DLEC1: variants seen among roughly 807,000 people sequenced by gnomAD.
DLEC1 encodes DLEC1 cilia and flagella associated protein.
A neutral mutation model predicts 198.1 loss-of-function variants in DLEC1; 146 were observed. That is an observed-to-expected ratio of 0.74 (90% CI 0.64 to 0.85). The LOEUF (loss-of-function observed/expected upper bound fraction) is 0.85, where lower values mean the gene tolerates loss of function less well. Among genes scored for constraint, DLEC1 ranks in the 40% least tolerant of loss-of-function variants. The pLI, the probability that DLEC1 is intolerant of heterozygous loss-of-function variation, is 0.00. For missense variants in DLEC1, 2,233 were observed against 2,220.0 expected (o/e 1.01, Z -0.12); for synonymous variants, 897 against 866.8 (o/e 1.03, Z -0.61).
At chr3:38,084,715 C>T (rs73825489) in intron 7 of DLEC1, among the ~76,000 whole-genome samples, 10,496 of 151,652 alleles carry the variant, frequency 0.069, 481 homozygotes, top group Middle Eastern at 0.12. Context: ...CCTGGACTCC[C>T]CCCATCAGCA....
At chr3:38,089,540 T>C (rs1698634133) in intron 10 of DLEC1, among the ~76,000 whole-genome samples, 1 of 152,196 alleles carries the variant, frequency 6.6e-6, no homozygotes, top group South Asian at 2.1e-4. Context: ...GTTCAGGGGC[T>C]TTGTCAGGCC....
chr3:38,121,550 T>A, intron 34 of DLEC1, 78 bp from the exon 35 acceptor site: 1 of 1,525,338 alleles, frequency 6.6e-7, no homozygotes, highest in Non-Finnish European at 8.8e-7. Context: ...GCACTTGGGG[T>A]CAGCAGGGTT....
intron 27 of DLEC1, among the ~76,000 whole-genome samples, chr3:38,115,611 G>T (rs1700113234): frequency 6.6e-6 from 1 of 152,138 alleles, no homozygotes. Context: ...CTGAAGAGGG[G>T]GCCCTGGCCA....
chr3:38,087,820 C>T (rs1698545019), intron 9 of DLEC1, among the ~76,000 whole-genome samples: 1 of 152,204 alleles, frequency 6.6e-6, no homozygotes, highest in South Asian at 2.1e-4. Context: ...GGCACTGGGG[C>T]TGCAGCTCTC....
At chr3:38,105,364 GC>G (rs1406433949) in intron 19 of DLEC1, among the ~76,000 whole-genome samples, 1 of 152,068 alleles carries the variant, frequency 6.6e-6, no homozygotes, top group Non-Finnish European at 1.5e-5. Context: ...TTAAAAATGG[GC>G]TGTTGAAGTC....
intron 2 of DLEC1, among the ~76,000 whole-genome samples, chr3:38,057,491 C>CAA (rs112173978): frequency 1.8e-4 from 25 of 139,282 alleles, no homozygotes; most frequent in Non-Finnish European, 2.2e-4. Context: ...GACTGTGTCT[C>CAA]AAAAAAAAAA....
At chr3:38,119,207 T>G (rs879789972) in intron 33 of DLEC1, among the ~76,000 whole-genome samples, 1 of 152,180 alleles carries the variant, frequency 6.6e-6, no homozygotes, top group Admixed American at 6.5e-5. Flanking sequence ...GCGCTAACAA[T>G]GCTCAGGCTT....
intron 21 of DLEC1, 46 bp from the exon 22 acceptor site, chr3:38,109,386 C>T: frequency 6.2e-7 from 1 of 1,610,108 alleles, no homozygotes; most frequent in Non-Finnish European, 8.5e-7. Context: ...GGCTCATCTT[C>T]AGAGGCCCCA....
At chr3:38,065,011 G>T (rs369101129) in intron 6 of DLEC1, among the ~76,000 whole-genome samples, 1 of 152,166 alleles carries the variant, frequency 6.6e-6, no homozygotes, top group South Asian at 2.1e-4. Context: ...AGGTTGTAGC[G>T]AGCCGAGATC....
chr3:38,094,846 T>C lies in DLEC1; in HGVS notation c.1920-33T>C, dbSNP rs745704489. 3.7e-6 allele frequency: 6 copies of C among 1,607,508 alleles called. No individual in the cohort carries two copies. The African/African-American group carries it at 6.7e-5, about 18-fold the overall frequency. On this transcript the variant is annotated intron_variant, in intron 12 of 36. Coordinates refer to ENST00000308059, the MANE Select transcript of DLEC1 (RefSeq NM_007335.4). ...TGGAGGGACCTGGTCCCAGCAGAAC[T>C]GGGACATGGCCTTGGATGCGTTGCC... is the stretch of plus-strand genomic sequence containing the variant.
At chr3:38,109,145 A>G (rs1372108286) in intron 21 of DLEC1, among the ~76,000 whole-genome samples, 1 of 152,200 alleles carries the variant, frequency 6.6e-6, no homozygotes, top group Non-Finnish European at 1.5e-5. Context: ...TAGCAGCTTC[A>G]TCAGAGGAAG....
chr3:38,117,205 T>C lies in DLEC1; in HGVS notation c.4306-3T>C. 3 of 1,614,032 alleles carry C rather than the reference T, an allele frequency of 1.9e-6. No homozygotes were observed. The highest frequency in any genetic ancestry group is 2.2e-5 in the South Asian group (2 of 91,086). ...CAGCTGTGATCAGACTTGGGCTCAG[T>C]AGGTGGAAAGGGAGATTCCAGGGAA... is the stretch of plus-strand genomic sequence containing the variant. On this transcript the variant is annotated splice_region_variant and splice_polypyrimidine_tract_variant and intron_variant, in intron 30 of 36. Transcript: ENST00000308059.
At chr3:38,086,616 C>A (rs914717944) in intron 9 of DLEC1, among the ~76,000 whole-genome samples, 1 of 152,224 alleles carries the variant, frequency 6.6e-6, no homozygotes, top group Non-Finnish European at 1.5e-5. Flanking sequence ...CCTCTCTTAT[C>A]CTTCAAGCCC....
rs1478214976 is a variant in DLEC1 at position 38,062,169 on chromosome 3, G to A, written c.674G>A (p.Gly225Asp). The A allele has an allele frequency of 6.2e-7, 1 of 1,614,142 alleles. No individual in the cohort carries two copies. The highest frequency in any genetic ancestry group is 1.6e-4 in the Middle Eastern group (1 of 6,062). The change falls in exon 4 of 37, where the codon GGC (glycine) becomes GAC (aspartate). Residue 225 changes from glycine to aspartate, a missense_variant and splice_region_variant. Gly to Asp is a moderately conservative substitution (Grantham distance 94). Transcript: ENST00000308059. ...TCAGTTTGTTTCCTTGATGCTGTAG[G>A]CATCTCCCTACCTGGATGTTCAAAA... Reference protein sequence around the residue: ...DTVPFHSAPKGISLPGCSKLT... With the variant: ...DTVPFHSAPKDISLPGCSKLT...
intron 2 of DLEC1, among the ~76,000 whole-genome samples, chr3:38,058,157 A>C (rs1334540102): frequency 6.6e-6 from 1 of 152,178 alleles, no homozygotes; most frequent in Non-Finnish European, 1.5e-5. Flanking sequence ...AAGTATACTT[A>C]AATTACACAT....
At position 38,045,682 on chromosome 3, in the gene DLEC1, G is replaced by C. The variant is rs754764749; in HGVS notation, c.551G>C (p.Arg184Thr). The C allele has an allele frequency of 1.2e-6, 2 of 1,612,242 alleles. No individual in the cohort carries two copies. Among genetic ancestry groups the C allele is most frequent in the South Asian group, 1.1e-5 (1 of 90,804 alleles). The change falls in exon 2 of 37, where the codon AGG becomes ACG. Residue 184 changes from arginine to threonine, a missense_variant. Coordinates refer to ENST00000308059, the MANE Select transcript of DLEC1 (RefSeq NM_007335.4). ...AGVQDLESLVRLPPVKSVSRW... is the reference protein window; with the variant it reads ...AGVQDLESLVTLPPVKSVSRW... ...GTACAGGACCTCGAGAGCCTTGTCA[G>C]GTTGCCTCCAGGTGTGTATAAAGAA...
intron 10 of DLEC1, among the ~76,000 whole-genome samples, chr3:38,090,885 A>G (rs867056377): frequency 6.6e-6 from 1 of 152,166 alleles, no homozygotes; most frequent in Non-Finnish European, 1.5e-5. Context: ...TTCAACAATT[A>G]TCAACCCTTG....
chr3:38,061,911 A>G (rs916126935), intron 3 of DLEC1, among the ~76,000 whole-genome samples: 1 of 152,212 alleles, frequency 6.6e-6, no homozygotes, highest in Non-Finnish European at 1.5e-5. Context: ...TCCTGGGCTT[A>G]AGTGATGCTC....
At position 38,039,582 on chromosome 3, in the gene DLEC1, G is replaced by C; in HGVS notation, c.357G>C (p.Lys119Asn). 6.2e-7 allele frequency: 1 copy of C among 1,612,420 alleles called. No individual in the cohort carries two copies. The highest frequency in any genetic ancestry group is 8.5e-7 in the Non-Finnish European group (1 of 1,178,962). Reference protein sequence around the residue: ...IGDEVSASLIKARGSENERHE... With the variant: ...IGDEVSASLINARGSENERHE... ...ACGAAGTGAGCGCAAGCTTGATCAAGGCCCGCGGCAGCGAGAATGAGCGCC... is the reference window on the plus strand; with the variant it reads ...ACGAAGTGAGCGCAAGCTTGATCAACGCCCGCGGCAGCGAGAATGAGCGCC... Residue 119 changes from lysine to asparagine, a missense_variant, in exon 1 of 37, where the codon AAG (lysine) becomes AAC (asparagine). Physicochemically the swap from Lys to Asn is moderately conservative, Grantham distance 94 (BLOSUM62 0). Transcript: ENST00000308059.
Sources: gnomAD v4.1 joint callset for allele counts (sites outside exome capture counted in the v4.1 genomes callset) on GRCh38, gnomAD v4.1.1 for gene constraint, MANE v1.5 for transcripts, NCBI Gene and HGNC (gene_info 2026-07-23, HGNC 2026-07-21) for gene names.